The following GRIP1 variants were observed in gnomAD, a reference collection of about 807,000 sequenced individuals.
GRIP1 encodes the protein glutamate receptor-interacting protein 1.
In GRIP1, 45 loss-of-function variants were observed where a neutral mutation model predicts 129.9. The observed-to-expected ratio is 0.35, with a 90% CI of 0.27 to 0.44. GRIP1 has a LOEUF of 0.44. Ranked by LOEUF, GRIP1 falls within the 20% of genes least tolerant of loss-of-function variation. The pLI is 1.00. For missense variants in GRIP1, 1,196 were observed against 1,396.8 expected (o/e 0.86, Z 2.29); for synonymous variants, 530 against 520.8 (o/e 1.02, Z -0.24).
intron 1 of GRIP1, among the ~76,000 whole-genome samples, chr12:66,913,370 G>A (rs983292145): frequency 4.6e-5 from 7 of 152,010 alleles, no homozygotes; most frequent in Non-Finnish European, 1.0e-4. Flanking sequence ...TATCACCAGA[G>A]ATGACACAAG....
intron 13 of GRIP1, among the ~76,000 whole-genome samples, chr12:66,434,352 G>A (rs933024012): frequency 2.0e-5 from 3 of 152,088 alleles, no homozygotes; most frequent in Non-Finnish European, 4.4e-5. Context: ...TTCCTCCCTC[G>A]ACCAAGTGAG....
intron 1 of GRIP1, among the ~76,000 whole-genome samples, chr12:66,841,338 T>C (rs1284355498): frequency 6.6e-6 from 1 of 152,144 alleles, no homozygotes; most frequent in Non-Finnish European, 1.5e-5. Flanking sequence ...ATACCATTAA[T>C]AAAACAAATA....
At chr12:66,417,627 A>G (rs2057655069) in intron 15 of GRIP1, among the ~76,000 whole-genome samples, 1 of 152,200 alleles carries the variant, frequency 6.6e-6, no homozygotes, top group Admixed American at 6.5e-5. Flanking sequence ...CAAAATCAGT[A>G]GCATTTCTAT....
At chr12:66,852,238 T>C (rs1482203100) in intron 1 of GRIP1, among the ~76,000 whole-genome samples, 1 of 152,074 alleles carries the variant, frequency 6.6e-6, no homozygotes, top group Non-Finnish European at 1.5e-5. Context: ...CCAGGAAATT[T>C]TTTTTCACAT....
rs547444959 is a variant in GRIP1 at position 66,355,010 on chromosome 12, C to G, written c.3013-1447G>C. On this transcript the variant is annotated intron_variant, in intron 23 of 24. Transcript: ENST00000359742. ...ATGGTGGGGACGTGTCTGTGAGACT[C>G]CAGACACCAAGTGCCTAATGGTTCT... Among the ~76,000 whole-genome samples the G allele has an allele frequency of 1.1e-4, 16 of 152,270 alleles. 1 individual carries two copies. The East Asian group carries it at 2.9e-3, about 28-fold the overall frequency.
rs142164912 is a variant in GRIP1, at chr12:66,638,181, T to C, written c.55+40669A>G. ...GGCTTGGGGTGAGAGCGATGGCAAG[T>C]TGTTAGAAAGAGTGAGAGTAAAAGG... On this transcript the variant is annotated intron_variant, in intron 1 of 24. Coordinates refer to ENST00000359742, the MANE Select transcript of GRIP1 (RefSeq NM_001366722.1). Among the ~76,000 whole-genome samples, 481 of 152,318 alleles carry C rather than the reference T, an allele frequency of 3.2e-3. 3 individuals are homozygous for C. Among genetic ancestry groups the C allele is most frequent in the African/African-American group, 0.011 (461 of 41,568 alleles).
At chr12:66,767,388 A>G (rs1592825003) in intron 1 of GRIP1, among the ~76,000 whole-genome samples, 1 of 152,120 alleles carries the variant, frequency 6.6e-6, no homozygotes, top group Non-Finnish European at 1.5e-5. Flanking sequence ...CAAAGCCACA[A>G]AGAAAACCAC....
chr12:66,456,391 C>T, intron 9 of GRIP1, 49 bp from the exon 10 acceptor site: 3 of 1,053,416 alleles, frequency 2.8e-6, no homozygotes, highest in Non-Finnish European at 3.8e-6. Flanking sequence ...AACGAACAAA[C>T]AAAGAACCAA....
chr12:66,553,020 C>T (rs1290012435), intron 2 of GRIP1, among the ~76,000 whole-genome samples: 1 of 152,178 alleles, frequency 6.6e-6, no homozygotes, highest in Non-Finnish European at 1.5e-5. Flanking sequence ...AGCTCTCACA[C>T]CCTGTATTTG....
At chr12:66,688,130 C>T (rs540986923) in intron 1 of GRIP1, among the ~76,000 whole-genome samples, 6 of 152,210 alleles carry the variant, frequency 3.9e-5, no homozygotes, top group African/African-American at 1.4e-4. Flanking sequence ...CCTAATACAC[C>T]GGACTTAGTT....
At chr12:66,579,118 G>A (rs1315081912) in intron 2 of GRIP1, among the ~76,000 whole-genome samples, 1 of 152,188 alleles carries the variant, frequency 6.6e-6, no homozygotes, top group Non-Finnish European at 1.5e-5. Flanking sequence ...CCACTGTTCT[G>A]CAGACACCGC....
chr12:66,927,420 A>G (rs1193964262), intron 1 of GRIP1, among the ~76,000 whole-genome samples: 2 of 152,218 alleles, frequency 1.3e-5, no homozygotes, highest in African/African-American at 4.8e-5. Flanking sequence ...GAAGATAAAT[A>G]AGATCAATAA....
At chr12:66,479,251 CA>C (rs201388425) in intron 7 of GRIP1, among the ~76,000 whole-genome samples, 2,030 of 152,044 alleles carry the variant, frequency 0.013, 45 homozygotes, top group African/African-American at 0.045. Flanking sequence ...CCACTGATCC[CA>C]CAGAAATACA....
At chr12:66,897,427 A>C (rs1213465826) in intron 1 of GRIP1, among the ~76,000 whole-genome samples, 1 of 152,196 alleles carries the variant, frequency 6.6e-6, no homozygotes, top group Non-Finnish European at 1.5e-5. Flanking sequence ...AGAAAACTCC[A>C]CTAGTTTAAC....
At chr12:66,948,391 T>C (rs966025769) in intron 1 of GRIP1, among the ~76,000 whole-genome samples, 1 of 152,222 alleles carries the variant, frequency 6.6e-6, no homozygotes, top group African/African-American at 2.4e-5. Flanking sequence ...TCAGAATTCT[T>C]GACATGGAAA....
At chr12:66,601,007 A>C (rs1271487469) in intron 1 of GRIP1, among the ~76,000 whole-genome samples, 1 of 152,248 alleles carries the variant, frequency 6.6e-6, no homozygotes, top group Admixed American at 6.5e-5. Flanking sequence ...AATAAGGAAG[A>C]ACATGGGTCC....
At chr12:66,623,306 T>C (rs995695937) in intron 1 of GRIP1, among the ~76,000 whole-genome samples, 1 of 152,194 alleles carries the variant, frequency 6.6e-6, no homozygotes, top group Non-Finnish European at 1.5e-5. Context: ...TATTAATTCA[T>C]TTAAACTTCA....
chr12:67,068,489 G>GT (rs1291375572), intron 1 of GRIP1, among the ~76,000 whole-genome samples: 1 of 151,560 alleles, frequency 6.6e-6, no homozygotes, highest in East Asian at 2.0e-4. Context: ...TCCCCTTCTA[G>GT]AGACCTGCGG....
At chr12:66,600,525 G>A (rs2064231816) in intron 1 of GRIP1, among the ~76,000 whole-genome samples, 1 of 152,138 alleles carries the variant, frequency 6.6e-6, no homozygotes, top group Non-Finnish European at 1.5e-5. Context: ...TGAAACATTT[G>A]TTATAAAGCT....
Sources: allele counts gnomAD v4.1 joint callset (sites outside exome capture counted in the v4.1 genomes callset), GRCh38; gene constraint gnomAD v4.1.1; transcripts MANE v1.5; gene names NCBI Gene and HGNC (gene_info 2026-07-23, HGNC 2026-07-21).